The following RILPL2 variants were observed in gnomAD, a reference collection of about 807,000 sequenced individuals.
RILPL2 encodes the protein Rab interacting lysosomal protein like 2, also known as RILP-like protein 2.
A neutral mutation model predicts 22.2 loss-of-function variants in RILPL2; 19 were observed. The observed-to-expected ratio is 0.86, with a 90% CI of 0.60 to 1.25. RILPL2 has a LOEUF of 1.25. Among genes scored for constraint, RILPL2 ranks in the 50% most tolerant of loss-of-function variants. The pLI, the probability that RILPL2 is intolerant of heterozygous loss-of-function variation, is 0.00. For synonymous variants in RILPL2, 123 were observed against 111.6 expected, an observed-to-expected ratio of 1.10 and a Z score of -0.64; for missense variants, 243 against 263.6, an observed-to-expected ratio of 0.92 and a Z score of 0.54.
At chr12:123,421,958 G>C (rs535997588) in intron 3 of RILPL2, among the ~76,000 whole-genome samples, 1 of 150,052 alleles carries the variant, frequency 6.7e-6, no homozygotes, top group African/African-American at 2.5e-5. Context: ...GTAAGCCACC[G>C]TGCCTGGTCA....
At chr12:123,429,440 C>T (rs28470730) in intron 2 of RILPL2, among the ~76,000 whole-genome samples, 8,719 of 151,196 alleles carry the variant, frequency 0.058, 648 homozygotes, top group African/African-American at 0.17. Flanking sequence ...GGATTACAGG[C>T]GCCCGCCACC....
At position 123,430,489 on chromosome 12, in the gene RILPL2, TC is replaced by T; in HGVS notation, c.491+18del. The T allele has an allele frequency of 6.3e-7, 1 of 1,596,192 alleles. No homozygotes were observed. The highest frequency in any genetic ancestry group is 1.1e-5 in the South Asian group (1 of 89,608). On this transcript the variant is annotated intron_variant, in intron 2 of 3. Coordinates refer to ENST00000280571, the MANE Select transcript of RILPL2 (RefSeq NM_145058.3). ...TGGGCCAGGTCTGGGTGCAGGACCCTCCAGGCAGTGGAGCCCACCTCTTGTA... is the reference window on the plus strand; with the variant it reads ...TGGGCCAGGTCTGGGTGCAGGACCCTCAGGCAGTGGAGCCCACCTCTTGTA...
chr12:123,429,943 C>T (rs570483253), intron 2 of RILPL2, among the ~76,000 whole-genome samples: 4 of 151,286 alleles, frequency 2.6e-5, no homozygotes, highest in African/African-American at 9.7e-5. Context: ...TGGCGAGACC[C>T]TGTCTCTACA....
At chr12:123,417,002 G>T (rs1879134856) in intron 3 of RILPL2, among the ~76,000 whole-genome samples, 1 of 152,124 alleles carries the variant, frequency 6.6e-6, no homozygotes, top group South Asian at 2.1e-4. Flanking sequence ...CCTTGTGGAA[G>T]AAACACTTCC....
chr12:123,430,769 A>C, intron 1 of RILPL2, 110 bp from the exon 2 acceptor site: 1 of 884,650 alleles, frequency 1.1e-6, no homozygotes, highest in Non-Finnish European at 1.4e-6. Context: ...GTGCCATGGC[A>C]CAATCTTGGC....
At chr12:123,430,099 CAAAAAAAAAAAA>C (rs59871132) in intron 2 of RILPL2, among the ~76,000 whole-genome samples, 4 of 18,776 alleles carry the variant, frequency 2.1e-4, no homozygotes, top group African/African-American at 5.5e-4. Context: ...GTGAGACCCT[CAAAAAAAAAAAA>C]AAAAAAAAAA....
chr12:123,414,992 A>C (rs1412796707), downstream of RILPL2: 1 of 150,410 alleles, frequency 6.6e-6, no homozygotes, highest in African/African-American at 2.4e-5. Flanking sequence ...CCATCTCCCC[A>C]GGTTATGAGG....
Position 123,436,013 on chromosome 12 carries a change from C to T in RILPL2, c.339+69G>A. 1 of 1,499,400 alleles carries T rather than the reference C, an allele frequency of 6.7e-7. No individual in the cohort carries two copies. Among genetic ancestry groups the T allele is most frequent in the South Asian group, 1.3e-5 (1 of 79,562 alleles). The allele number at this position is 1,499,400 out of a possible 1,614,324, so 92.9% of individuals were successfully genotyped here. On this transcript the variant is annotated intron_variant, in intron 1 of 3. Transcript: ENST00000280571. The surrounding 1 kb of genome is among the most constrained non-coding windows in gnomAD (Gnocchi z 6.7). ...AAGAGAAAAGAAAAGGAAGGCGTCT[C>T]CCTGCCAGTAGGTGCCCTCCTACGC... is the stretch of plus-strand genomic sequence containing the variant.
intron 3 of RILPL2, among the ~76,000 whole-genome samples, chr12:123,421,303 C>T (rs1386868852): frequency 6.6e-6 from 1 of 152,140 alleles, no homozygotes; most frequent in Non-Finnish European, 1.5e-5. Context: ...CTCGGAAGTA[C>T]TGGGATTACA....
downstream of RILPL2, chr12:123,412,977 T>C (rs764624135): frequency 6.6e-6 from 1 of 152,056 alleles, no homozygotes; most frequent in African/African-American, 2.4e-5. Context: ...GGAGGGCGGA[T>C]CATGAGGTCA....
intron 2 of RILPL2, among the ~76,000 whole-genome samples, chr12:123,425,115 G>A (rs987980854): frequency 2.6e-5 from 4 of 151,454 alleles, no homozygotes; most frequent in Non-Finnish European, 4.4e-5. Flanking sequence ...TCCTGACCTC[G>A]TGATCCGCCC....
At chr12:123,416,253 C>T (rs532031402) in intron 3 of RILPL2, among the ~76,000 whole-genome samples, 15 of 151,748 alleles carry the variant, frequency 9.9e-5, no homozygotes, top group South Asian at 2.1e-4. Context: ...GAACCCGGGA[C>T]GCAGAGGTTG....
chr12:123,413,207 A>C (rs28576067), downstream of RILPL2: 67 of 151,422 alleles, frequency 4.4e-4, no homozygotes, highest in South Asian at 9.5e-4. Flanking sequence ...ACCACCCCCC[A>C]AAAAAAAGCC....
Position 123,431,531 on chromosome 12 carries a change from T to G in RILPL2, c.340-872A>C, listed in dbSNP as rs375084306. On this transcript the variant is annotated intron_variant, in intron 1 of 3. Transcript: ENST00000280571. ...TGCAGCTGAACTGTACACTTAAAAATAGTTAAGATGGGCCGGGCACGGTGG... is the reference window on the plus strand; with the variant it reads ...TGCAGCTGAACTGTACACTTAAAAAGAGTTAAGATGGGCCGGGCACGGTGG... Among the ~76,000 whole-genome samples, 212 of 152,036 alleles carry G rather than the reference T, an allele frequency of 1.4e-3. 7 individuals carry two copies. In the South Asian group the frequency reaches 0.044, roughly 31 times the overall value.
intron 3 of RILPL2, among the ~76,000 whole-genome samples, chr12:123,420,095 G>A (rs1264673258): frequency 6.7e-6 from 1 of 149,306 alleles, no homozygotes; most frequent in Non-Finnish European, 1.5e-5. Flanking sequence ...TGTGATCTTG[G>A]CTCACTGCAA....
intron 3 of RILPL2, among the ~76,000 whole-genome samples, chr12:123,419,832 C>T (rs563569803): frequency 2.9e-4 from 44 of 149,766 alleles, no homozygotes; most frequent in African/African-American, 1.1e-3. Flanking sequence ...CTCATTCTGT[C>T]GCCCAGGCTG....
At chr12:123,420,586 G>A (rs576802021) in intron 3 of RILPL2, among the ~76,000 whole-genome samples, 2 of 151,826 alleles carry the variant, frequency 1.3e-5, no homozygotes, top group Non-Finnish European at 2.9e-5. Flanking sequence ...ACAGGCACCC[G>A]CCACCATGCC....
intron 3 of RILPL2, among the ~76,000 whole-genome samples, chr12:123,420,651 G>A (rs1321017673): frequency 6.7e-6 from 1 of 150,294 alleles, no homozygotes; most frequent in Non-Finnish European, 1.5e-5. Context: ...TGGCTAGGCT[G>A]GTCTCGAACT....
chr12:123,423,014 G>T, intron 3 of RILPL2, 30 bp downstream of exon 3: 1 of 1,484,886 alleles, frequency 6.7e-7, no homozygotes, highest in South Asian at 1.1e-5. Flanking sequence ...ATTATTTGGC[G>T]GGACCGGGGG....
Sources: allele counts gnomAD v4.1 joint callset (sites outside exome capture counted in the v4.1 genomes callset), GRCh38; gene constraint gnomAD v4.1.1; non-coding constraint Gnocchi (gnomAD v3.1); transcripts MANE v1.5; gene names NCBI Gene and HGNC (gene_info 2026-07-23, HGNC 2026-07-21).